Variants in NDST4 observed in about 807,000 individuals in gnomAD.
NDST4 encodes N-heparan sulfate sulfotransferase 4.
NDST4 carries 63 observed loss-of-function variants against 100.8 expected under a neutral mutation model. The ratio of observed to expected loss-of-function variants is 0.62; its 90% CI spans 0.51 to 0.77. NDST4 has a LOEUF of 0.77. Among genes scored for constraint, NDST4 ranks in the 30% least tolerant of loss-of-function variants. The pLI is 0.00. For synonymous variants in NDST4, 377 were observed against 361.8 expected (o/e 1.04, Z -0.48); for missense variants, 943 against 1,018.4 (o/e 0.93, Z 1.01).
At chr4:114,941,231 T>TCAGAGAA (rs1725743310) in intron 4 of NDST4, among the ~76,000 whole-genome samples, 1 of 152,238 alleles carries the variant, frequency 6.6e-6, no homozygotes, top group Non-Finnish European at 1.5e-5. Flanking sequence ...GGCATGTAAC[T>TCAGAGAA]TGCTTATATT....
intron 2 of NDST4, among the ~76,000 whole-genome samples, chr4:115,058,945 G>T (rs995541712): frequency 6.6e-6 from 1 of 151,252 alleles, no homozygotes; most frequent in East Asian, 1.9e-4. Context: ...CAGAATAGAT[G>T]GGAATAGCTG....
chr4:114,973,152 A>C (rs1202550087), intron 3 of NDST4, among the ~76,000 whole-genome samples: 1 of 152,090 alleles, frequency 6.6e-6, no homozygotes, highest in Non-Finnish European at 1.5e-5. Flanking sequence ...CAACTAGATG[A>C]AAGTATTACA....
At chr4:115,039,181 C>T (rs1028227274) in intron 2 of NDST4, among the ~76,000 whole-genome samples, 2 of 151,980 alleles carry the variant, frequency 1.3e-5, no homozygotes, top group Non-Finnish European at 2.9e-5. Context: ...TCATGTAGTA[C>T]CAGCATTTGT....
chr4:114,953,305 A>G (rs967955049), intron 4 of NDST4, among the ~76,000 whole-genome samples: 3 of 152,174 alleles, frequency 2.0e-5, no homozygotes, highest in Admixed American at 2.0e-4. Flanking sequence ...TTTTAGAAGT[A>G]TCAGGAGCTT....
chr4:114,832,517 T>G (rs1578331823), intron 12 of NDST4, among the ~76,000 whole-genome samples: 1 of 152,202 alleles, frequency 6.6e-6, no homozygotes, highest in African/African-American at 2.4e-5. Flanking sequence ...TGTTTGTTAT[T>G]CTGCTTCTTT....
intron 1 of NDST4, among the ~76,000 whole-genome samples, chr4:115,098,846 T>G (rs1388909502): frequency 6.6e-6 from 1 of 152,164 alleles, no homozygotes; most frequent in African/African-American, 2.4e-5. Flanking sequence ...ACCACAAGCA[T>G]GTGCCACCAC....
intron 7 of NDST4, among the ~76,000 whole-genome samples, chr4:114,854,790 T>C (rs966273871): frequency 2.6e-5 from 4 of 152,202 alleles, no homozygotes; most frequent in African/African-American, 9.6e-5. Context: ...ATATTTTTAA[T>C]ATTCATGATG....
At chr4:114,856,022 A>G (rs1723785361) in intron 7 of NDST4, among the ~76,000 whole-genome samples, 1 of 151,942 alleles carries the variant, frequency 6.6e-6, no homozygotes, top group South Asian at 2.1e-4. Context: ...CTGTATTTTT[A>G]ACTGGAGAGA....
chr4:115,064,765 G>A (rs916859516), intron 2 of NDST4, among the ~76,000 whole-genome samples: 4 of 151,960 alleles, frequency 2.6e-5, no homozygotes, highest in African/African-American at 7.2e-5. Context: ...ACCGAATATT[G>A]CAAATACTTT....
chr4:114,829,851 C>T lies in NDST4; in HGVS notation c.2438G>A (p.Gly813Glu), dbSNP rs780519905. ...QKGFWCQLLE[G>E]GKTKCLGKSK... ...TTTTCCAAGGCATTTTGTCTTTCCT[C>T]CTTCCAGTAATTGACACCAAAAACC... The change falls in exon 13 of 14, where the codon GGA (glycine) becomes GAA (glutamate). Residue 813 changes from glycine to glutamate, a missense_variant. Gly to Glu is a moderately conservative substitution (Grantham distance 98). Coordinates refer to ENST00000264363, the MANE Select transcript of NDST4 (RefSeq NM_022569.3). 12 of 1,612,004 alleles carry T rather than the reference C, an allele frequency of 7.4e-6. No homozygotes were observed. In the African/African-American group the frequency reaches 1.1e-4, roughly 14 times the overall value.
chr4:115,023,024 G>A (rs1018693034), intron 2 of NDST4, among the ~76,000 whole-genome samples: 43 of 152,222 alleles, frequency 2.8e-4, no homozygotes, highest in African/African-American at 9.1e-4. Context: ...ACTCATAAGC[G>A]CGAGCTAAGC....
At position 115,070,330 on chromosome 4, in the gene NDST4, A is replaced by G. The variant is rs541905494; in HGVS notation, c.978+5729T>C. 3.9e-5 allele frequency among the ~76,000 whole-genome samples: 6 copies of G among 152,224 alleles called. 1 individual carries two copies. In the East Asian group the frequency reaches 1.2e-3, roughly 29 times the overall value. ...TATGGAAACAGAAAAGCAAAAAACA[A>G]ATGTTCTCACTTATAAGTGGGAGCT... On this transcript the variant is annotated intron_variant, in intron 2 of 13. Transcript: ENST00000264363.
chr4:115,033,157 A>ATATTTTTTTT (rs1491126767), intron 2 of NDST4, among the ~76,000 whole-genome samples: 1 of 59,948 alleles, frequency 1.7e-5, no homozygotes, highest in African/African-American at 5.8e-5. Flanking sequence ...ATATATATAT[A>ATATTTTTTTT]TTTTTTTTTT....
intron 2 of NDST4, among the ~76,000 whole-genome samples, chr4:114,986,832 A>ATATATATATATTTTTTTTT: frequency 3.2e-4 from 30 of 94,658 alleles, no homozygotes; most frequent in South Asian, 8.5e-4. Flanking sequence ...ATATATATAT[A>ATATATATATATTTTTTTTT]TTTTAATATA....
chr4:115,075,575 A>G (rs972476467), intron 2 of NDST4, among the ~76,000 whole-genome samples: 2 of 152,112 alleles, frequency 1.3e-5, no homozygotes, highest in Non-Finnish European at 2.9e-5. Flanking sequence ...TCACGAGGTC[A>G]GGAGTTTAAG....
At chr4:114,963,616 A>G (rs145651992) in intron 4 of NDST4, among the ~76,000 whole-genome samples, 121 of 152,332 alleles carry the variant, frequency 7.9e-4, no homozygotes, top group Non-Finnish European at 1.5e-3. Flanking sequence ...AAATGATACA[A>G]TGGTAACTTG....
chr4:115,100,173 A>G (rs1160406764), intron 1 of NDST4, among the ~76,000 whole-genome samples: 1 of 152,106 alleles, frequency 6.6e-6, no homozygotes, highest in Non-Finnish European at 1.5e-5. Context: ...GGAGAGAGGG[A>G]TGAATAGGTG....
At chr4:114,966,722 G>C (rs1726390728) in intron 4 of NDST4, among the ~76,000 whole-genome samples, 1 of 151,958 alleles carries the variant, frequency 6.6e-6, no homozygotes, top group Non-Finnish European at 1.5e-5. Flanking sequence ...TCTCATAATT[G>C]CTTCAATTCC....
intron 6 of NDST4, among the ~76,000 whole-genome samples, chr4:114,882,764 C>T (rs1724398003): frequency 6.6e-6 from 1 of 151,744 alleles, no homozygotes; most frequent in Non-Finnish European, 1.5e-5. Flanking sequence ...ATCTAGGAAG[C>T]TCAGGGAACA....
Sources: allele counts gnomAD v4.1 joint callset (sites outside exome capture counted in the v4.1 genomes callset), GRCh38; gene constraint gnomAD v4.1.1; transcripts MANE v1.5; gene names NCBI Gene and HGNC (gene_info 2026-07-23, HGNC 2026-07-21).